BCKDHB: variants seen among roughly 807,000 people sequenced by gnomAD.
BCKDHB encodes the protein 2-oxoisovalerate dehydrogenase subunit beta, mitochondrial.
A neutral mutation model predicts 48.5 loss-of-function variants in BCKDHB; 41 were observed. The observed-to-expected ratio is 0.85, with a 90% CI of 0.66 to 1.10. The LOEUF is 1.10. BCKDHB is among the 50% of genes least tolerant of loss of function. The pLI is 0.00. For synonymous variants in BCKDHB, 201 were observed against 174.8 expected (o/e 1.15, Z -1.18); for missense variants, 496 against 494.2 (o/e 1.00, Z -0.03).
At chr6:80,311,447 C>G (rs1275318673) in intron 9 of BCKDHB, among the ~76,000 whole-genome samples, 1 of 152,172 alleles carries the variant, frequency 6.6e-6, no homozygotes, top group Non-Finnish European at 1.5e-5. Flanking sequence ...TAATTAGATT[C>G]ATTTGTCAAT....
chr6:80,201,953 T>TA (rs1357133766), intron 7 of BCKDHB, among the ~76,000 whole-genome samples: 1 of 152,154 alleles, frequency 6.6e-6, no homozygotes, highest in Non-Finnish European at 1.5e-5. Flanking sequence ...CATGGAGAGC[T>TA]AGAGTCCTTA....
chr6:80,203,293 G>T, intron 8 of BCKDHB, 81 bp downstream of exon 8: 9 of 1,030,214 alleles, frequency 8.7e-6, no homozygotes, highest in Non-Finnish European at 1.4e-5. Context: ...TAATTCTTTT[G>T]AAATTGTGAG....
intron 9 of BCKDHB, among the ~76,000 whole-genome samples, chr6:80,304,956 A>T (rs1428844184): frequency 6.6e-6 from 1 of 152,150 alleles, no homozygotes; most frequent in Non-Finnish European, 1.5e-5. Context: ...TTAATGGTAA[A>T]ATATTGGAAG....
chr6:80,146,067 A>G (rs972510484), intron 3 of BCKDHB, among the ~76,000 whole-genome samples: 2 of 152,152 alleles, frequency 1.3e-5, no homozygotes, highest in Non-Finnish European at 2.9e-5. Context: ...TACCTTGCCC[A>G]TATGCTGCAA....
the BCKDHB span, among the ~76,000 whole-genome samples, chr6:80,409,398 C>G: frequency 1.3e-5 from 2 of 151,244 alleles, no homozygotes; most frequent in Non-Finnish European, 2.9e-5. Flanking sequence ...ATTAGGTCCA[C>G]TTGGTGCAGA....
At chr6:80,150,550 CTT>C (rs758701261) in intron 3 of BCKDHB, among the ~76,000 whole-genome samples, 2,102 of 105,458 alleles carry the variant, frequency 0.02, 17 homozygotes, top group African/African-American at 0.072. Context: ...AGTTTGTCAT[CTT>C]TTTTTTTTTT....
intron 3 of BCKDHB, among the ~76,000 whole-genome samples, chr6:80,146,140 T>C (rs560647588): frequency 1.3e-5 from 2 of 152,166 alleles, no homozygotes; most frequent in East Asian, 3.9e-4. Context: ...GGCCAGGGTG[T>C]TGGAGGTTTA....
At chr6:80,178,543 A>C (rs1773270897) in intron 6 of BCKDHB, among the ~76,000 whole-genome samples, 1 of 152,170 alleles carries the variant, frequency 6.6e-6, no homozygotes, top group Non-Finnish European at 1.5e-5. Flanking sequence ...TGCTGAGAGG[A>C]TTTAAGTGAG....
intron 8 of BCKDHB, among the ~76,000 whole-genome samples, chr6:80,266,669 G>T (rs1280858182): frequency 6.6e-6 from 1 of 152,058 alleles, no homozygotes; most frequent in Admixed American, 6.6e-5. Context: ...TAGGTGGAGA[G>T]AGTTGGCCCA....
intron 4 of BCKDHB, 124 bp downstream of exon 4, chr6:80,167,935 T>C: frequency 9.4e-7 from 1 of 1,063,402 alleles, no homozygotes; most frequent in South Asian, 1.4e-5. Flanking sequence ...TGTATTACAA[T>C]TATAATTTTG....
At chr6:80,150,921 A>G (rs769250864) in intron 3 of BCKDHB, among the ~76,000 whole-genome samples, 2 of 152,152 alleles carry the variant, frequency 1.3e-5, no homozygotes, top group African/African-American at 2.4e-5. Flanking sequence ...TGAGTCCTAG[A>G]TATTTCAGTG....
At chr6:80,167,528 C>T (rs1772635488) in intron 3 of BCKDHB, 150 bp from the exon 4 acceptor site, 1 of 824,898 alleles carries the variant, frequency 1.2e-6, no homozygotes, top group Non-Finnish European at 1.9e-6. Flanking sequence ...AGGTGTGAGC[C>T]ACCGTGGCTA....
At chr6:80,249,171 C>T (rs1416420256) in intron 8 of BCKDHB, among the ~76,000 whole-genome samples, 1 of 151,542 alleles carries the variant, frequency 6.6e-6, no homozygotes, top group African/African-American at 2.4e-5. Flanking sequence ...TAAGTTCCTC[C>T]CACCCAATCC....
At chr6:80,348,515 G>C (rs554752386), downstream of BCKDHB, among the ~76,000 whole-genome samples, 9 of 152,338 alleles carry the variant, frequency 5.9e-5, no homozygotes, top group East Asian at 1.4e-3. Flanking sequence ...GTTAGCCACA[G>C]AGATGGCCCT....
In BCKDHB at chr6:80,344,178, T is replaced by C; in HGVS notation, c.*374T>C. On this transcript the variant is annotated 3_prime_UTR_variant, in exon 10 of 10. Coordinates refer to ENST00000320393, the MANE Select transcript of BCKDHB (RefSeq NM_183050.4). ...CACCACCATGCCCAGCTAATTTTTG[T>C]GTTTTTATTGGAGGTGGGGTGTCAC... is the stretch of plus-strand genomic sequence containing the variant. 7.0e-6 allele frequency: 2 copies of C among 285,782 alleles called. No homozygotes were observed. The highest frequency in any genetic ancestry group is 7.0e-5 in the South Asian group (2 of 28,680). The allele number at this position is 285,782 out of a possible 1,614,324, so 17.7% of individuals were successfully genotyped here.
the BCKDHB span, among the ~76,000 whole-genome samples, chr6:80,373,643 C>G: frequency 6.6e-6 from 1 of 152,100 alleles, no homozygotes; most frequent in Non-Finnish European, 1.5e-5. Context: ...TCTATCTCAT[C>G]TCTTAGGTCT....
chr6:80,433,260 G>A, the BCKDHB span, among the ~76,000 whole-genome samples: 12 of 152,132 alleles, frequency 7.9e-5, no homozygotes, highest in African/African-American at 1.7e-4. Context: ...ATCTGTGTCC[G>A]CAGCCACCCC....
At chr6:80,207,332 T>C (rs1416403883) in intron 8 of BCKDHB, among the ~76,000 whole-genome samples, 6 of 151,934 alleles carry the variant, frequency 3.9e-5, no homozygotes, top group African/African-American at 1.4e-4. Flanking sequence ...TGTAATGTTC[T>C]GGTTAGGTTA....
chr6:80,202,608 C>A (rs1055855121), intron 7 of BCKDHB, among the ~76,000 whole-genome samples: 1 of 152,020 alleles, frequency 6.6e-6, no homozygotes, highest in Non-Finnish European at 1.5e-5. Flanking sequence ...CCTATGAAAT[C>A]TTTTCCTCTT....
Sources: gnomAD v4.1 joint callset for allele counts (sites outside exome capture counted in the v4.1 genomes callset) on GRCh38, gnomAD v4.1.1 for gene constraint, MANE v1.5 for transcripts, NCBI Gene and HGNC (gene_info 2026-07-23, HGNC 2026-07-21) for gene names.